Variants in OPN3 observed in about 807,000 individuals in gnomAD.
The protein encoded by OPN3 is opsin 3.
A neutral mutation model predicts 33.8 loss-of-function variants in OPN3; 29 were observed. The observed-to-expected ratio is 0.86, with a 90% CI of 0.64 to 1.17. The LOEUF (loss-of-function observed/expected upper bound fraction) is 1.17. OPN3 is among the 50% of genes most tolerant of loss of function. The probability of loss-of-function intolerance (pLI) is 0.00; values close to 1 mark genes in which losing one functional copy is unlikely to be tolerated. For synonymous variants in OPN3, 216 were observed against 216.1 expected (o/e 1.00, Z 0.00); for missense variants, 437 against 514.1 (o/e 0.85, Z 1.45).
chr1:241,627,504 C>T (rs1016963771), intron 1 of OPN3, among the ~76,000 whole-genome samples: 1 of 152,178 alleles, frequency 6.6e-6, no homozygotes, highest in African/African-American at 2.4e-5. Context: ...CCTTTCTTAC[C>T]TTACACAGTT....
In OPN3 at chr1:241,604,527, G is replaced by A. The variant is rs570915682; in HGVS notation, c.426C>T (p.Arg142=). 1.1e-5 allele frequency: 17 copies of A among 1,614,058 alleles called. 1 individual carries two copies. The highest frequency in any genetic ancestry group is 4.4e-5 in the South Asian group (4 of 91,074). ...AATTGATCACTCTGGCATGGACCAC[G>A]CGAATGTAACGTTCATAGGCCAGCA... ...LTVLAYERYI[R]VVHARVINFS... The change falls in exon 2 of 4, where the codon CGC becomes CGT. Residue 142 remains arginine, a synonymous_variant. Coordinates refer to ENST00000366554, the MANE Select transcript of OPN3 (RefSeq NM_014322.3).
At chr1:241,638,812 T>C (rs1275956249) in intron 1 of OPN3, among the ~76,000 whole-genome samples, 2 of 152,190 alleles carry the variant, frequency 1.3e-5, no homozygotes, top group East Asian at 1.9e-4. Context: ...TGTCATAGCA[T>C]AGAGGTTACT....
At position 241,635,918 on chromosome 1, in the gene OPN3, T is replaced by A. The variant is rs1664881190; in HGVS notation, c.373+3964A>T. The A allele has an allele frequency of 3.5e-5, 24 of 689,246 alleles. 1 individual carries two copies. In the South Asian group the frequency reaches 5.3e-4, roughly 15 times the overall value. 42.7% of individuals were successfully genotyped at this position (689,246 alleles called of 1,614,324 possible). A position where few individuals can be genotyped will look rare whatever the true frequency, so the allele number is the denominator to read the frequency against. ...GTTTAACGGTTACCCTTTTAAAATA[T>A]TTTTTTTCTTATAAGTCAGTAGCAT... On this transcript the variant is annotated intron_variant, in intron 1 of 3. Transcript: ENST00000366554.
chr1:241,602,235 C>T (rs139393658), intron 2 of OPN3, among the ~76,000 whole-genome samples: 15 of 152,198 alleles, frequency 9.9e-5, no homozygotes, highest in African/African-American at 3.1e-4. Context: ...CAGAGAAAGG[C>T]GCCCTAGAAT....
chr1:241,634,516 T>A, intron 1 of OPN3: 3 of 1,613,966 alleles, frequency 1.9e-6, no homozygotes, highest in Non-Finnish European at 2.5e-6. Flanking sequence ...TTGCTTTACA[T>A]CGTCCAGATT....
In OPN3 at chr1:241,597,780, T is replaced by C. The variant is rs1663565218; in HGVS notation, c.911A>G (p.Tyr304Cys). The C allele has an allele frequency of 2.5e-6, 4 of 1,613,546 alleles. No homozygotes were observed. The highest frequency in any genetic ancestry group is 1.7e-6 in the Non-Finnish European group (2 of 1,179,632). ...SYLFAKSNTV[Y>C]NPVIYVFMIR... is the part of the protein sequence containing the mutation. ...CATGAAGACATAAATCACTGGATTGTATACAGTGTTCGATTTAGCAAAGAG... is the reference window on the plus strand; with the variant it reads ...CATGAAGACATAAATCACTGGATTGCATACAGTGTTCGATTTAGCAAAGAG... The change falls in exon 3 of 4, where the codon TAC (tyrosine) becomes TGC (cysteine). Residue 304 changes from tyrosine to cysteine, a missense_variant. By Grantham distance (194) the Tyr-to-Cys change is radical. Transcript: ENST00000366554.
chr1:241,634,341 TG>T (rs1664782451), intron 1 of OPN3: 1 of 1,614,046 alleles, frequency 6.2e-7, no homozygotes, highest in Non-Finnish European at 8.5e-7. Context: ...ACTATCAGAA[TG>T]GAAGTCTGCT....
intron 2 of OPN3, among the ~76,000 whole-genome samples, chr1:241,603,149 G>A (rs937737507): frequency 6.6e-6 from 1 of 152,040 alleles, no homozygotes; most frequent in African/African-American, 2.4e-5. Context: ...GGGGGTGGGG[G>A]AGCAATCAGA....
intron 1 of OPN3, among the ~76,000 whole-genome samples, chr1:241,623,078 A>T (rs1416082026): frequency 1.5e-5 from 2 of 129,620 alleles, no homozygotes; most frequent in African/African-American, 5.3e-5. Flanking sequence ...TAGAAATCTT[A>T]AAAAAACAAA....
At chr1:241,629,977 C>T (rs1256059789) in intron 1 of OPN3, 3 of 151,994 alleles carry the variant, frequency 2.0e-5, no homozygotes, top group Non-Finnish European at 2.9e-5. Context: ...TAATTTATTA[C>T]AATTATGCCA....
At position 241,593,464 on chromosome 1, in the gene OPN3, T is replaced by G; in HGVS notation, c.*964A>C. 2.8e-6 allele frequency: 1 copy of G among 354,120 alleles called. No homozygotes were observed. 21.9% of individuals were successfully genotyped at this position (354,120 alleles called of 1,614,324 possible). A position where few individuals can be genotyped will look rare whatever the true frequency, so the allele number is the denominator to read the frequency against. On this transcript the variant is annotated 3_prime_UTR_variant, in exon 4 of 4. Transcript: ENST00000366554. ...AAATTGGGCAATAAAATAAAATGAT[T>G]CAGTGTTTCTTTTCTATATTGTCAA...
chr1:241,606,812 G>A (rs901672354), intron 1 of OPN3, among the ~76,000 whole-genome samples: 2 of 152,132 alleles, frequency 1.3e-5, no homozygotes, highest in Non-Finnish European at 2.9e-5. Context: ...GAGAAGTAAG[G>A]GAGAAAAGGG....
chr1:241,597,601 A>T (rs1663560159), intron 3 of OPN3, 145 bp downstream of exon 3: 6 of 712,082 alleles, frequency 8.4e-6, no homozygotes, highest in Non-Finnish European at 1.3e-5. Context: ...AATATTCTAC[A>T]TTTCTTCCAG....
chr1:241,630,566 G>A (rs1415052135), intron 1 of OPN3: 2 of 151,932 alleles, frequency 1.3e-5, no homozygotes, highest in Non-Finnish European at 2.9e-5. Flanking sequence ...AAATATTTAT[G>A]CTACTTTCCT....
At chr1:241,624,696 A>G (rs900511473) in intron 1 of OPN3, among the ~76,000 whole-genome samples, 8 of 152,190 alleles carry the variant, frequency 5.3e-5, no homozygotes, top group African/African-American at 1.9e-4. Flanking sequence ...TTGAGATAAA[A>G]CGTGTGAAGA....
At chr1:241,629,009 C>A (rs565778765) in intron 1 of OPN3, 1 of 152,686 alleles carries the variant, frequency 6.5e-6, no homozygotes, top group Non-Finnish European at 1.5e-5. Flanking sequence ...TCAGTAAACA[C>A]AATTTATGTT....
At chr1:241,639,861 C>T in intron 1 of OPN3, 21 bp downstream of exon 1, 2 of 1,512,500 alleles carry the variant, frequency 1.3e-6, no homozygotes, top group Non-Finnish European at 1.8e-6. Flanking sequence ...GGGGAGGCTG[C>T]CTTCTCCCAG....
At position 241,601,116 on chromosome 1, in the gene OPN3, A is replaced by C. The variant is rs1271746294; in HGVS notation, c.694-3119T>G. 2.0e-5 allele frequency: 3 copies of C among 152,302 alleles called. No homozygotes were observed. The Middle Eastern group carries it at 0.01, about 515-fold the overall frequency. The allele number at this position is 152,302 out of a possible 1,614,324, so 9.4% of individuals were successfully genotyped here. On this transcript the variant is annotated intron_variant, in intron 2 of 3. Transcript: ENST00000366554. ...GGCAAAATAAAAAGTCAGTTTCTGA[A>C]AACAAGAAATATTACCATTGGCCGC...
chr1:241,634,033 A>T (rs1664763620), intron 1 of OPN3: 1 of 1,613,496 alleles, frequency 6.2e-7, no homozygotes, highest in South Asian at 1.1e-5. Context: ...AGTCAGGCCC[A>T]GAGCAGACAT....
Sources: gnomAD v4.1 joint callset for allele counts (sites outside exome capture counted in the v4.1 genomes callset) on GRCh38, gnomAD v4.1.1 for gene constraint, MANE v1.5 for transcripts, NCBI Gene and HGNC (gene_info 2026-07-23, HGNC 2026-07-21) for gene names.